SLCO3A1: variants seen among roughly 807,000 people sequenced by gnomAD.
SLCO3A1 encodes solute carrier organic anion transporter family member 3A1, also known as PGE1 transporter.
A neutral mutation model predicts 63.1 loss-of-function variants in SLCO3A1; 27 were observed. The ratio of observed to expected loss-of-function variants is 0.43; its 90% CI spans 0.32 to 0.59. The LOEUF is 0.59. Among genes scored for constraint, SLCO3A1 ranks in the 20% least tolerant of loss-of-function variants. The pLI is 0.09. For synonymous variants in SLCO3A1, 473 were observed against 409.9 expected (o/e 1.15, Z -1.86); for missense variants, 773 against 945.8 (o/e 0.82, Z 2.40).
intron 2 of SLCO3A1, among the ~76,000 whole-genome samples, chr15:91,925,482 T>G (rs530274801): frequency 0.065 from 9,852 of 151,828 alleles, 456 homozygotes; most frequent in Non-Finnish European, 0.1. Context: ...CTTGTTTTTT[T>G]TTTTTTTTTT....
At chr15:91,907,465 C>G (rs1047141385) in intron 1 of SLCO3A1, among the ~76,000 whole-genome samples, 1 of 150,898 alleles carries the variant, frequency 6.6e-6, no homozygotes, top group Non-Finnish European at 1.5e-5. Context: ...CTTGGCCTCC[C>G]AAAGTGCTAG....
chr15:91,964,998 G>A (rs1900604867), intron 2 of SLCO3A1, among the ~76,000 whole-genome samples: 1 of 152,036 alleles, frequency 6.6e-6, no homozygotes, highest in African/African-American at 2.4e-5. Context: ...GCCAGCTTTT[G>A]GGAGGATTAC....
Position 92,163,785 on chromosome 15 carries a change from C to T in SLCO3A1, c.*650C>T. ...TCTCTCAGTGATGCTAATGGGTGAT[C>T]CGTGCTGGAGTTTGTAATTGGCACC... On this transcript the variant is annotated 3_prime_UTR_variant, in exon 10 of 10. Coordinates refer to ENST00000318445, the MANE Select transcript of SLCO3A1 (RefSeq NM_013272.4). The T allele has an allele frequency of 1.0e-6, 1 of 985,472 alleles. No homozygotes were observed. Among genetic ancestry groups the T allele is most frequent in the Non-Finnish European group, 1.2e-6 (1 of 830,024 alleles). 61.0% of individuals were successfully genotyped at this position (985,472 alleles called of 1,614,324 possible). A position where few individuals can be genotyped will look rare whatever the true frequency, so the allele number is the denominator to read the frequency against.
At chr15:91,961,993 A>T (rs558981138) in intron 2 of SLCO3A1, among the ~76,000 whole-genome samples, 1 of 152,216 alleles carries the variant, frequency 6.6e-6, no homozygotes, top group Non-Finnish European at 1.5e-5. Context: ...AAGACTGGGG[A>T]GAATTATTCA....
rs11384036 is a variant in SLCO3A1, at chr15:92,132,619, G to GAA, written c.1512+4142_1512+4143dup. 7.2e-3 allele frequency among the ~76,000 whole-genome samples: 985 copies of GAA among 136,212 alleles called. 57 individuals carry two copies. The highest frequency in any genetic ancestry group is 0.016 in the African/African-American group (611 of 38,266). 89.4% of individuals were successfully genotyped at this position (136,212 alleles called of 152,430 possible). A position where few individuals can be genotyped will look rare whatever the true frequency, so the allele number is the denominator to read the frequency against. On this transcript the variant is annotated intron_variant, in intron 7 of 9. Coordinates refer to ENST00000318445, the MANE Select transcript of SLCO3A1 (RefSeq NM_013272.4). Reference sequence around the variant, plus strand: ...TTTTGATGTACTAAATAATTGAATAGAAAAAAAAAAAAACTTCCATCAGCC... The same window carrying GAA: ...TTTTGATGTACTAAATAATTGAATAGAAAAAAAAAAAAAAACTTCCATCAGCC...
chr15:91,880,395 C>CTGTGTGTGTGTG lies in SLCO3A1; in HGVS notation c.180+26308_180+26309insGTGTGTGTGTGT, dbSNP rs71156619. Among the ~76,000 whole-genome samples the CTGTGTGTGTGTG allele has an allele frequency of 2.2e-3, 199 of 89,990 alleles. 1 individual carries two copies. Among genetic ancestry groups the CTGTGTGTGTGTG allele is most frequent in the East Asian group, 7.3e-3 (14 of 1,912 alleles). 59.0% of individuals were successfully genotyped at this position (89,990 alleles called of 152,430 possible). A position where few individuals can be genotyped will look rare whatever the true frequency, so the allele number is the denominator to read the frequency against. On this transcript the variant is annotated intron_variant, in intron 1 of 9. Coordinates refer to ENST00000318445, the MANE Select transcript of SLCO3A1 (RefSeq NM_013272.4). ...GGCACTCGTGCTTCTCTCTCTCTCT[C>CTGTGTGTGTGTG]TCTCTCTCTCTCTCTGTGTGTGTGT...
intron 7 of SLCO3A1, among the ~76,000 whole-genome samples, chr15:92,136,076 C>G (rs570723798): frequency 2.0e-5 from 3 of 152,258 alleles, no homozygotes; most frequent in Non-Finnish European, 2.9e-5. Flanking sequence ...AAGCTATGAT[C>G]ATGCCACTGC....
chr15:91,955,421 C>T (rs1275247430), intron 2 of SLCO3A1, among the ~76,000 whole-genome samples: 1 of 152,138 alleles, frequency 6.6e-6, no homozygotes, highest in African/African-American at 2.4e-5. Context: ...CAACCTCCAC[C>T]TCCCGGGTTC....
At position 91,883,476 on chromosome 15, in the gene SLCO3A1, G is replaced by A. The variant is rs1340866178; in HGVS notation, c.180+29388G>A. 3.9e-5 allele frequency among the ~76,000 whole-genome samples: 6 copies of A among 152,142 alleles called. No homozygotes were observed. Among genetic ancestry groups the A allele is most frequent in the East Asian group, 3.9e-4 (2 of 5,194 alleles). On this transcript the variant is annotated intron_variant, in intron 1 of 9. Transcript: ENST00000318445. This position sits in a 1 kb window ranked among gnomAD's most constrained non-coding sequence, Gnocchi z 4.8. ...GGGGCTCCCCGGAGGGATGTACCTCGCACTGACTGGCTGGGGCCCTTCATC... is the reference window on the plus strand; with the variant it reads ...GGGGCTCCCCGGAGGGATGTACCTCACACTGACTGGCTGGGGCCCTTCATC...
chr15:91,905,630 T>TGC (rs201018585), intron 1 of SLCO3A1, among the ~76,000 whole-genome samples: 2 of 149,516 alleles, frequency 1.3e-5, no homozygotes, highest in Middle Eastern at 3.2e-3. Flanking sequence ...TGCTTAGTTT[T>TGC]TTGTTTTTTT....
At chr15:91,922,897 G>T (rs1898896252) in intron 2 of SLCO3A1, among the ~76,000 whole-genome samples, 1 of 152,194 alleles carries the variant, frequency 6.6e-6, no homozygotes, top group Non-Finnish European at 1.5e-5. Context: ...GAAACAGCCT[G>T]TGGCTCTTAC....
chr15:92,051,272 T>G (rs576197320), intron 2 of SLCO3A1, among the ~76,000 whole-genome samples: 1 of 152,024 alleles, frequency 6.6e-6, no homozygotes, highest in Non-Finnish European at 1.5e-5. Flanking sequence ...GATGGAGAGA[T>G]TTCATCAGAG....
intron 9 of SLCO3A1, chr15:92,161,656 G>A (rs1427924082): frequency 6.6e-6 from 1 of 152,230 alleles, no homozygotes; most frequent in African/African-American, 2.4e-5. Flanking sequence ...ATGTACTCAA[G>A]TCCAATTTGT....
At chr15:92,167,485 C>CT (rs2048499689), downstream of SLCO3A1, among the ~76,000 whole-genome samples, 1 of 152,162 alleles carries the variant, frequency 6.6e-6, no homozygotes, top group Admixed American at 6.5e-5. Flanking sequence ...ACCTTCCTTC[C>CT]TTTTTTATTA....
At chr15:92,146,034 T>A (rs2048217720) in intron 7 of SLCO3A1, among the ~76,000 whole-genome samples, 1 of 152,194 alleles carries the variant, frequency 6.6e-6, no homozygotes, top group African/African-American at 2.4e-5. Context: ...GGGATTTATT[T>A]GACCCTCAGG....
intron 3 of SLCO3A1, among the ~76,000 whole-genome samples, chr15:92,098,727 G>C (rs1424608963): frequency 1.3e-5 from 2 of 152,072 alleles, no homozygotes; most frequent in Non-Finnish European, 2.9e-5. Flanking sequence ...CAGTGGTTAA[G>C]AATTCAAGCA....
intron 2 of SLCO3A1, among the ~76,000 whole-genome samples, chr15:91,949,162 G>T (rs868476135): frequency 1.3e-5 from 2 of 152,252 alleles, no homozygotes; most frequent in Middle Eastern, 3.4e-3. Context: ...TCTGCACACA[G>T]ATAACTCTGA....
At chr15:91,879,498 G>A (rs117790781) in intron 1 of SLCO3A1, among the ~76,000 whole-genome samples, 2,691 of 149,592 alleles carry the variant, frequency 0.018, 33 homozygotes, top group Non-Finnish European at 0.026. Context: ...AATGGTGTGG[G>A]TATACAACCG....
intron 9 of SLCO3A1, among the ~76,000 whole-genome samples, chr15:92,158,471 G>T (rs974070603): frequency 1.3e-5 from 2 of 152,190 alleles, no homozygotes; most frequent in Non-Finnish European, 2.9e-5. Context: ...TGGGGCAGGG[G>T]GAGTGGTTAT....
Sources: gnomAD v4.1 joint callset for allele counts (sites outside exome capture counted in the v4.1 genomes callset) on GRCh38, gnomAD v4.1.1 for gene constraint, Gnocchi (gnomAD v3.1) non-coding constraint, MANE v1.5 for transcripts, NCBI Gene and HGNC (gene_info 2026-07-23, HGNC 2026-07-21) for gene names.